CD99L2: variants seen among roughly 807,000 people sequenced by gnomAD.
CD99L2 encodes the protein CD99 molecule like 2.
Under a neutral mutation model 27.3 loss-of-function variants are expected in CD99L2, and 24 were observed. That is an observed-to-expected ratio of 0.88 (90% confidence interval 0.64 to 1.24). The LOEUF (loss-of-function observed/expected upper bound fraction) is 1.24. CD99L2 is among the 50% of genes most tolerant of loss of function. CD99L2 has a pLI of 0.00. For synonymous variants in CD99L2, 97 were observed against 87.9 expected (o/e 1.10, Z -0.58); for missense variants, 255 against 221.6 (o/e 1.15, Z -0.96).
intron 4 of CD99L2, among the ~76,000 whole-genome samples, chrX:150,798,543 T>G (rs1255530910): frequency 9.0e-6 from 1 of 110,635 alleles, no homozygotes; most frequent in African/African-American, 3.3e-5. Context: ...TCAAAATAGA[T>G]AGAAGATTCT....
At chrX:150,842,493 A>T (rs2046636607) in intron 1 of CD99L2, among the ~76,000 whole-genome samples, 1 of 112,113 alleles carries the variant, frequency 8.9e-6, no homozygotes, top group Non-Finnish European at 1.9e-5. Context: ...TGCCTGATTG[A>T]AACGTCTGAT....
intron 1 of CD99L2, among the ~76,000 whole-genome samples, chrX:150,894,189 C>G (rs1603328096): frequency 8.9e-6 from 1 of 112,241 alleles, no homozygotes; most frequent in East Asian, 2.8e-4. Context: ...AACCACTAAT[C>G]TACTTTCTGT....
intron 1 of CD99L2, among the ~76,000 whole-genome samples, chrX:150,885,188 C>G (rs143524408): frequency 0.011 from 1,187 of 111,555 alleles, 6 homozygotes; most frequent in South Asian, 0.036. Context: ...GAGGGGCACA[C>G]AGGGGTCTGT....
intron 1 of CD99L2, among the ~76,000 whole-genome samples, chrX:150,868,084 AAATAATAATAATAATAATAAT>A (rs781930485): frequency 1.0e-5 from 1 of 96,478 alleles, no homozygotes; most frequent in Non-Finnish European, 2.0e-5. Flanking sequence ...TCCATCTCAA[AAATAATAATAATAATAATAAT>A]AATAATAATA....
intron 1 of CD99L2, among the ~76,000 whole-genome samples, chrX:150,894,008 G>A (rs1052316735): frequency 1.8e-5 from 2 of 111,853 alleles, no homozygotes; most frequent in Non-Finnish European, 3.8e-5. Flanking sequence ...GAGCCACTGC[G>A]CCTGGCCACA....
chrX:150,790,844 A>G (rs975044319), intron 7 of CD99L2, among the ~76,000 whole-genome samples: 12 of 112,080 alleles, frequency 1.1e-4, no homozygotes, highest in African/African-American at 3.6e-4. Flanking sequence ...ATATGTGTAT[A>G]TATATGGTGT....
chrX:150,822,339 G>A (rs2046254661), intron 2 of CD99L2, among the ~76,000 whole-genome samples: 1 of 112,183 alleles, frequency 8.9e-6, no homozygotes, highest in South Asian at 3.7e-4. Flanking sequence ...CAGAAAGTAG[G>A]TTGGTGGTTA....
At chrX:150,792,939 C>G (rs1308570440) in intron 7 of CD99L2, among the ~76,000 whole-genome samples, 1 of 111,961 alleles carries the variant, frequency 8.9e-6, no homozygotes, top group Non-Finnish European at 1.9e-5. Flanking sequence ...GAGGACATGA[C>G]TATTCTGGGG....
chrX:150,814,909 A>G lies in CD99L2; in HGVS notation c.230T>C (p.Leu77Ser). The change falls in exon 4 of 11, where the codon TTG becomes TCG. Residue 77 changes from leucine to serine, a missense_variant. Transcript: ENST00000370377. Reference protein sequence around the residue: ...PGSGLDLADALDDQDDGRRKP... With the variant: ...PGSGLDLADASDDQDDGRRKP... ...CCTGCGGCCATCATCTTGATCATCC[A>G]AAGCATCAGCCAAGTCCAATCCACT... 1.7e-6 allele frequency: 2 copies of G among 1,211,608 alleles called. No homozygotes were observed. Among genetic ancestry groups the G allele is most frequent in the Non-Finnish European group, 2.2e-6 (2 of 895,370 alleles).
chrX:150,874,793 A>G (rs1421456141), intron 1 of CD99L2, among the ~76,000 whole-genome samples: 1 of 112,051 alleles, frequency 8.9e-6, no homozygotes, highest in Non-Finnish European at 1.9e-5. Context: ...GCCTTCACTG[A>G]TCTGGCTCTG....
At chrX:150,820,894 C>CAA (rs1208548412) in intron 2 of CD99L2, among the ~76,000 whole-genome samples, 1 of 110,870 alleles carries the variant, frequency 9.0e-6, no homozygotes, top group Non-Finnish European at 1.9e-5. Flanking sequence ...ATACAAGGAG[C>CAA]AAAAGAAGAA....
intron 1 of CD99L2, among the ~76,000 whole-genome samples, chrX:150,863,027 TAA>T (rs2124323877): frequency 8.9e-6 from 1 of 112,514 alleles, no homozygotes; most frequent in Non-Finnish European, 1.9e-5. Context: ...CACTTATTCT[TAA>T]AAGAGTGACC....
intron 1 of CD99L2, among the ~76,000 whole-genome samples, chrX:150,877,961 C>CACAT (rs1204277250): frequency 9.8e-4 from 18 of 18,330 alleles, no homozygotes; most frequent in Non-Finnish European, 2.1e-3. Flanking sequence ...CAAACACATA[C>CACAT]ACACACACAC....
chrX:150,769,684 ACC>A (rs2043391609), intron 10 of CD99L2, among the ~76,000 whole-genome samples: 3 of 91,492 alleles, frequency 3.3e-5, no homozygotes, highest in Non-Finnish European at 5.8e-5. Context: ...TGCCTGCGCC[ACC>A]AGGCCTCGGC....
chrX:150,800,488 T>C (rs1361241379), intron 4 of CD99L2, among the ~76,000 whole-genome samples: 1 of 111,859 alleles, frequency 8.9e-6, no homozygotes, highest in Non-Finnish European at 1.9e-5. Context: ...CATAGCATTA[T>C]ATTGTATTAG....
intron 7 of CD99L2, among the ~76,000 whole-genome samples, chrX:150,785,894 T>C (rs1476235065): frequency 8.9e-6 from 1 of 112,414 alleles, no homozygotes; most frequent in African/African-American, 3.2e-5. Context: ...CCTGGGTGTT[T>C]CCAAGTTTTG....
intron 4 of CD99L2, among the ~76,000 whole-genome samples, chrX:150,798,896 G>A (rs782806276): frequency 3.6e-5 from 4 of 111,697 alleles, no homozygotes; most frequent in South Asian, 3.8e-4. Context: ...GACTACAGGC[G>A]TGCACCACCA....
chrX:150,894,261 C>T (rs1187705634), intron 1 of CD99L2, among the ~76,000 whole-genome samples: 1 of 111,983 alleles, frequency 8.9e-6, no homozygotes, highest in Non-Finnish European at 1.9e-5. Context: ...GTTTGCATCA[C>T]ATATTTTTAA....
intron 1 of CD99L2, among the ~76,000 whole-genome samples, chrX:150,844,702 C>A (rs1409739739): frequency 2.7e-5 from 3 of 112,000 alleles, no homozygotes; most frequent in Non-Finnish European, 5.6e-5. Flanking sequence ...TTAGCTATTG[C>A]CACCTGAGCT....
Sources: gnomAD v4.1 joint callset for allele counts (sites outside exome capture counted in the v4.1 genomes callset) on GRCh38, gnomAD v4.1.1 for gene constraint, MANE v1.5 for transcripts, NCBI Gene and HGNC (gene_info 2026-07-23, HGNC 2026-07-21) for gene names.